The following TNFSF13B variants were observed in gnomAD, a reference collection of about 807,000 sequenced individuals.
TNFSF13B encodes the protein tumor necrosis factor ligand superfamily member 13B.
Under a neutral mutation model 29.1 loss-of-function variants are expected in TNFSF13B, and 8 were observed. That is an observed-to-expected ratio of 0.27 (90% CI 0.16 to 0.50). The LOEUF (loss-of-function observed/expected upper bound fraction) is 0.50. Among genes scored for constraint, TNFSF13B ranks in the 20% least tolerant of loss-of-function variants. The probability of loss-of-function intolerance (pLI) is 0.98; values close to 1 mark genes in which losing one functional copy is unlikely to be tolerated. For missense variants in TNFSF13B, 248 were observed against 334.9 expected (o/e 0.74, Z 2.03); for synonymous variants, 125 against 130.8 (o/e 0.96, Z 0.30).
chr13:108,284,261 G>A (rs1303754648), intron 2 of TNFSF13B, among the ~76,000 whole-genome samples: 9 of 152,150 alleles, frequency 5.9e-5, no homozygotes, highest in Admixed American at 3.9e-4. Context: ...CGCGGGAGGC[G>A]GAGCTTGCAG....
At chr13:108,302,315 C>T (rs545408126) in intron 3 of TNFSF13B, among the ~76,000 whole-genome samples, 4 of 152,088 alleles carry the variant, frequency 2.6e-5, no homozygotes, top group South Asian at 4.2e-4. Flanking sequence ...CTATTTTATC[C>T]TTATATTACA....
At chr13:108,277,277 C>G (rs1880787656) in intron 2 of TNFSF13B, among the ~76,000 whole-genome samples, 1 of 152,068 alleles carries the variant, frequency 6.6e-6, no homozygotes, top group Non-Finnish European at 1.5e-5. Context: ...AGAAGTTAAG[C>G]CAAATTGATG....
chr13:108,302,381 T>C (rs1881650382), intron 3 of TNFSF13B, among the ~76,000 whole-genome samples: 1 of 152,170 alleles, frequency 6.6e-6, no homozygotes, highest in South Asian at 2.1e-4. Context: ...CTCCCCAAAT[T>C]TCCCAATCTC....
intron 3 of TNFSF13B, among the ~76,000 whole-genome samples, chr13:108,295,010 T>C (rs868777592): frequency 4.8e-5 from 7 of 145,632 alleles, no homozygotes; most frequent in Middle Eastern, 3.3e-3. Flanking sequence ...TTATAAATAA[T>C]AAAAAGGTAT....
intron 2 of TNFSF13B, among the ~76,000 whole-genome samples, chr13:108,283,385 A>G (rs980001126): frequency 1.3e-5 from 2 of 152,210 alleles, no homozygotes; most frequent in African/African-American, 4.8e-5. Context: ...TGAAACATCA[A>G]TTTTATATCT....
chr13:108,270,448 T>G, intron 2 of TNFSF13B, 24 bp downstream of exon 2: 1 of 1,606,982 alleles, frequency 6.2e-7, no homozygotes, highest in Non-Finnish European at 8.5e-7. Flanking sequence ...ACAGACACTT[T>G]TAGGAGTCAG....
rs1881674566 is a variant in TNFSF13B at position 108,303,121 on chromosome 13, T to TTGTC, written c.482-131_482-130insGTCT. ...GTGACTTGTATTCCTTTTTCCTTTTTTTTCTTTCTTTCTTTCTTTTTTTTT... is the reference window on the plus strand; with the variant it reads ...GTGACTTGTATTCCTTTTTCCTTTTTTGTCTTTCTTTCTTTCTTTCTTTTTTTTT... On this transcript the variant is annotated intron_variant, in intron 3 of 5. Transcript: ENST00000375887. The TTGTC allele has an allele frequency of 4.1e-6, 3 of 731,606 alleles. No homozygotes were observed. In the South Asian group the frequency reaches 6.5e-5, roughly 16 times the overall value. The allele number at this position is 731,606 out of a possible 1,614,324, so 45.3% of individuals were successfully genotyped here. A position where few individuals can be genotyped will look rare whatever the true frequency, so the allele number is the denominator to read the frequency against.
chr13:108,294,170 T>G (rs1349459256), intron 3 of TNFSF13B, among the ~76,000 whole-genome samples: 1 of 149,934 alleles, frequency 6.7e-6, no homozygotes, highest in African/African-American at 2.5e-5. Context: ...TAGATTTTTT[T>G]GTAAATTCAT....
chr13:108,304,173 C>A (rs976763357), intron 5 of TNFSF13B, among the ~76,000 whole-genome samples: 9 of 152,182 alleles, frequency 5.9e-5, no homozygotes, highest in Admixed American at 4.6e-4. Context: ...ACTCTTCTTG[C>A]ATGCTGTGGA....
At position 108,286,726 on chromosome 13, in the gene TNFSF13B, G is replaced by A. The variant is rs1881148458; in HGVS notation, c.425-77G>A. On this transcript the variant is annotated intron_variant, in intron 2 of 5. Transcript: ENST00000375887. The stretch of plus-strand genomic sequence containing the variant: ...ATTGATTTAGTGTTTCTGGAAGAGT[G>A]GGTTTCTAGCTTTGTGTTCTCAGTT... The A allele has an allele frequency of 5.8e-6, 5 of 865,484 alleles. No individual in the cohort carries two copies. The South Asian group carries it at 7.8e-5, about 14-fold the overall frequency. The allele number at this position is 865,484 out of a possible 1,614,324, so 53.6% of individuals were successfully genotyped here. A position where few individuals can be genotyped will look rare whatever the true frequency, so the allele number is the denominator to read the frequency against.
In TNFSF13B at chr13:108,308,439, C is replaced by G. The variant is rs1037575568; in HGVS notation, c.*1501C>G. On this transcript the variant is annotated 3_prime_UTR_variant, in exon 6 of 6. Coordinates refer to ENST00000375887, the MANE Select transcript of TNFSF13B (RefSeq NM_006573.5). ...GTTAATGATTTTTCTGGTGTTGCTG[C>G]TAATGTGGATTAACAAATAAAAACA... 1.3e-5 allele frequency: 2 copies of G among 152,044 alleles called. No individual in the cohort carries two copies. The highest frequency in any genetic ancestry group is 2.9e-5 in the Non-Finnish European group (2 of 67,986). 9.4% of individuals were successfully genotyped at this position (152,044 alleles called of 1,614,324 possible). A position where few individuals can be genotyped will look rare whatever the true frequency, so the allele number is the denominator to read the frequency against.
At chr13:108,293,840 A>G (rs1383539982) in intron 3 of TNFSF13B, among the ~76,000 whole-genome samples, 3 of 152,224 alleles carry the variant, frequency 2.0e-5, no homozygotes, top group African/African-American at 4.8e-5. Context: ...GTGTTTTCAC[A>G]TGGCTGAGAA....
intron 3 of TNFSF13B, among the ~76,000 whole-genome samples, chr13:108,301,824 C>T (rs1881633608): frequency 6.6e-6 from 1 of 152,118 alleles, no homozygotes; most frequent in African/African-American, 2.4e-5. Flanking sequence ...TACGAGGTAA[C>T]ATATATTTTA....
chr13:108,291,534 GT>G (rs1291270925), intron 3 of TNFSF13B, among the ~76,000 whole-genome samples: 2 of 151,682 alleles, frequency 1.3e-5, no homozygotes, highest in Non-Finnish European at 2.9e-5. Context: ...CCAGCTGGTT[GT>G]TCTTTTTGTG....
intron 3 of TNFSF13B, among the ~76,000 whole-genome samples, chr13:108,287,108 CG>C (rs1189821360): frequency 9.5e-6 from 1 of 105,774 alleles, no homozygotes; most frequent in African/African-American, 3.9e-5. Context: ...CATCACACAC[CG>C]GGGCCTGTTG....
chr13:108,283,649 G>C (rs891898731), intron 2 of TNFSF13B, among the ~76,000 whole-genome samples: 1 of 152,208 alleles, frequency 6.6e-6, no homozygotes, highest in Non-Finnish European at 1.5e-5. Flanking sequence ...ATTCAAGGCT[G>C]TTATAACAAA....
At chr13:108,278,522 A>T (rs1010656637) in intron 2 of TNFSF13B, among the ~76,000 whole-genome samples, 1 of 124,896 alleles carries the variant, frequency 8.0e-6, no homozygotes, top group African/African-American at 3.0e-5. Context: ...AATTTTTGCA[A>T]GTGCTGATCT....
rs533385212 is a variant in TNFSF13B at position 108,307,235 on chromosome 13, G to A, written c.*297G>A. 3 of 232,772 alleles carry A rather than the reference G, an allele frequency of 1.3e-5. No homozygotes were observed. The South Asian group carries it at 2.0e-4, about 16-fold the overall frequency. 14.4% of individuals were successfully genotyped at this position (232,772 alleles called of 1,614,324 possible). A position where few individuals can be genotyped will look rare whatever the true frequency, so the allele number is the denominator to read the frequency against. ...TTCCATGTTGAACAATTGAGTCATA[G>A]CTTCTTATCTTGGAGGAAGGACACA... is the stretch of plus-strand genomic sequence containing the variant. On this transcript the variant is annotated 3_prime_UTR_variant, in exon 6 of 6. Transcript: ENST00000375887.
At position 108,281,207 on chromosome 13, in the gene TNFSF13B, C is replaced by T. The variant is rs181716474; in HGVS notation, c.425-5596C>T. ...AATGAGCCAAGATTGTGCCATTGCA[C>T]TCCAGCCTGGGCAATAAGAGTAGAA... On this transcript the variant is annotated intron_variant, in intron 2 of 5. Coordinates refer to ENST00000375887, the MANE Select transcript of TNFSF13B (RefSeq NM_006573.5). Among the ~76,000 whole-genome samples the T allele has an allele frequency of 2.0e-4, 31 of 152,138 alleles. No individual in the cohort carries two copies. In the East Asian group the frequency reaches 6.0e-3, roughly 29 times the overall value.
Sources: gnomAD v4.1 joint callset for allele counts (sites outside exome capture counted in the v4.1 genomes callset) on GRCh38, gnomAD v4.1.1 for gene constraint, MANE v1.5 for transcripts, NCBI Gene and HGNC (gene_info 2026-07-23, HGNC 2026-07-21) for gene names.